SFMBT1: variants seen among roughly 807,000 people sequenced by gnomAD.
SFMBT1 encodes the protein Scm like with four mbt domains 1.
In SFMBT1, 32 loss-of-function variants were observed where a neutral mutation model predicts 108.7. The observed-to-expected ratio is 0.29, with a 90% CI of 0.22 to 0.40. The LOEUF is 0.40. Among genes scored for constraint, SFMBT1 ranks in the 10% least tolerant of loss-of-function variants. The pLI is 1.00. For synonymous variants in SFMBT1, 348 were observed against 369.5 expected (o/e 0.94, Z 0.67); for missense variants, 816 against 1,059.6 (o/e 0.77, Z 3.19).
At chr3:52,908,988 C>G (rs1306777410) in intron 17 of SFMBT1, among the ~76,000 whole-genome samples, 1 of 152,122 alleles carries the variant, frequency 6.6e-6, no homozygotes, top group African/African-American at 2.4e-5. Flanking sequence ...TCTAGATCCT[C>G]TGCATTTTCA....
intron 15 of SFMBT1, 133 bp downstream of exon 15, chr3:52,913,345 A>C: frequency 8.6e-7 from 1 of 1,163,056 alleles, no homozygotes; most frequent in Non-Finnish European, 1.2e-6. Flanking sequence ...CACTGTCCAA[A>C]ACATGAGAAA....
rs149333845 is a variant in SFMBT1 at position 52,940,134 on chromosome 3, T to C, written c.364+3219A>G. Among the ~76,000 whole-genome samples the C allele has an allele frequency of 8.7e-4, 133 of 152,340 alleles. 1 individual carries two copies. Among genetic ancestry groups the C allele is most frequent in the African/African-American group, 2.6e-3 (109 of 41,572 alleles). On this transcript the variant is annotated intron_variant, in intron 4 of 20. Transcript: ENST00000394752. ...TTTAAACGAGATGCATTTTCCTACA[T>C]ACGTTAGGATGAGATGGTAGGCCAG...
At chr3:53,015,872 C>A (rs559332783) in intron 1 of SFMBT1, among the ~76,000 whole-genome samples, 16 of 152,174 alleles carry the variant, frequency 1.1e-4, no homozygotes, top group African/African-American at 3.9e-4. Context: ...GGTTACACTA[C>A]CCTGTAAATA....
intron 9 of SFMBT1, 139 bp from the exon 10 acceptor site, chr3:52,926,252 C>T: frequency 1.5e-6 from 1 of 668,004 alleles, no homozygotes; most frequent in Non-Finnish European, 2.6e-6. Flanking sequence ...GGGCGAAAAG[C>T]ATTCTATAAA....
At chr3:52,977,125 C>G (rs1459853972) in intron 1 of SFMBT1, among the ~76,000 whole-genome samples, 2 of 152,170 alleles carry the variant, frequency 1.3e-5, no homozygotes, top group African/African-American at 2.4e-5. Flanking sequence ...AGAGTTTAAA[C>G]TGTCCTCATT....
chr3:52,917,648 C>T (rs1001293732), intron 13 of SFMBT1, among the ~76,000 whole-genome samples: 11 of 152,182 alleles, frequency 7.2e-5, no homozygotes, highest in African/African-American at 2.2e-4. Flanking sequence ...GGGAGCATTA[C>T]GGCCTGAGCT....
At chr3:52,916,356 CTTTTTTTTTTT>C (rs71087030) in intron 13 of SFMBT1, 142 bp from the exon 14 acceptor site, 3 of 346,098 alleles carry the variant, frequency 8.7e-6, no homozygotes, top group Non-Finnish European at 1.5e-5. Flanking sequence ...CTTGATGATA[CTTTTTTTTTTT>C]TTTTTTTTTT....
At position 52,930,480 on chromosome 3, in the gene SFMBT1, C is replaced by T. The variant is rs1194255842; in HGVS notation, c.796-50G>A. On this transcript the variant is annotated intron_variant, in intron 7 of 20. Transcript: ENST00000394752. ...ATGAAAACATAGTATCTGTATCAATCTTACACTCACATGTAGCTGTGATTA... is the reference window on the plus strand; with the variant it reads ...ATGAAAACATAGTATCTGTATCAATTTTACACTCACATGTAGCTGTGATTA... The T allele has an allele frequency of 8.0e-6, 8 of 998,026 alleles. No homozygotes were observed. The South Asian group carries it at 8.9e-5, about 11-fold the overall frequency. The allele number at this position is 998,026 out of a possible 1,614,324, so 61.8% of individuals were successfully genotyped here. A position where few individuals can be genotyped will look rare whatever the true frequency, so the allele number is the denominator to read the frequency against.
At chr3:52,965,035 G>A (rs1704085514) in intron 2 of SFMBT1, among the ~76,000 whole-genome samples, 1 of 152,072 alleles carries the variant, frequency 6.6e-6, no homozygotes, top group Non-Finnish European at 1.5e-5. Flanking sequence ...TCATTTCAAA[G>A]TCCTAAAATT....
intron 1 of SFMBT1, among the ~76,000 whole-genome samples, chr3:53,014,453 G>C (rs2106933151): frequency 6.6e-6 from 1 of 151,590 alleles, no homozygotes; most frequent in South Asian, 2.1e-4. Context: ...CTGGGTGACA[G>C]AGTGAGAGAC....
intron 1 of SFMBT1, chr3:53,044,919 T>G (rs1700166277): frequency 6.6e-6 from 1 of 152,342 alleles, no homozygotes; most frequent in Admixed American, 6.5e-5. Flanking sequence ...ACAGCTGACA[T>G]CTTGTGAAAA....
At chr3:52,977,898 T>C (rs1274810417) in intron 1 of SFMBT1, among the ~76,000 whole-genome samples, 4 of 152,200 alleles carry the variant, frequency 2.6e-5, no homozygotes, top group Non-Finnish European at 5.9e-5. Context: ...ATATGTTTAC[T>C]TCAGTGATTT....
intron 2 of SFMBT1, among the ~76,000 whole-genome samples, chr3:52,965,982 A>G (rs35620606): frequency 0.042 from 4,553 of 108,530 alleles, 127 homozygotes; most frequent in Non-Finnish European, 0.062. Flanking sequence ...CTCCAGCCTG[A>G]GCGACAGAGC....
intron 1 of SFMBT1, among the ~76,000 whole-genome samples, chr3:53,007,266 G>A (rs1158926798): frequency 1.3e-5 from 2 of 152,042 alleles, no homozygotes; most frequent in Non-Finnish European, 2.9e-5. Flanking sequence ...CTTTTCCCCC[G>A]CTAGGTAGGA....
chr3:52,976,047 A>G (rs1559533811), intron 1 of SFMBT1, among the ~76,000 whole-genome samples: 1 of 152,230 alleles, frequency 6.6e-6, no homozygotes, highest in Non-Finnish European at 1.5e-5. Context: ...CATCTAAAAG[A>G]GAAAAAAATG....
At chr3:52,948,666 T>C (rs13088926) in intron 3 of SFMBT1, among the ~76,000 whole-genome samples, 1 of 150,506 alleles carries the variant, frequency 6.6e-6, no homozygotes, top group Admixed American at 6.6e-5. Flanking sequence ...TTATTATTTT[T>C]GGAGACCGAG....
At chr3:53,019,876 C>T (rs548020673) in intron 1 of SFMBT1, among the ~76,000 whole-genome samples, 6 of 152,290 alleles carry the variant, frequency 3.9e-5, no homozygotes, top group Middle Eastern at 3.4e-3. Flanking sequence ...CTGGGATATA[C>T]GAGGCCCTGC....
intron 20 of SFMBT1, among the ~76,000 whole-genome samples, chr3:52,905,593 T>G (rs61324750): frequency 0.031 from 4,736 of 152,328 alleles, 290 homozygotes; most frequent in African/African-American, 0.11. Context: ...GTGCCATCTT[T>G]TTAGAGGGTT....
At chr3:52,947,661 A>G (rs1300201595) in intron 3 of SFMBT1, among the ~76,000 whole-genome samples, 1 of 151,950 alleles carries the variant, frequency 6.6e-6, no homozygotes, top group Non-Finnish European at 1.5e-5. Flanking sequence ...TGATAAACAG[A>G]AGTTCTTAAA....
Sources: gnomAD v4.1 joint callset for allele counts (sites outside exome capture counted in the v4.1 genomes callset) on GRCh38, gnomAD v4.1.1 for gene constraint, MANE v1.5 for transcripts, NCBI Gene and HGNC (gene_info 2026-07-23, HGNC 2026-07-21) for gene names.